The following KIF26B variants were observed in gnomAD, a reference collection of about 807,000 sequenced individuals.
KIF26B encodes kinesin family member 26B.
Under a neutral mutation model 151.2 loss-of-function variants are expected in KIF26B, and 63 were observed. That is an observed-to-expected ratio of 0.42 (90% CI 0.34 to 0.51). The LOEUF (loss-of-function observed/expected upper bound fraction) is 0.51, where lower values mean the gene tolerates loss of function less well. KIF26B is among the 20% of genes least tolerant of loss of function. The probability of loss-of-function intolerance (pLI) is 0.07; values close to 1 mark genes in which losing one functional copy is unlikely to be tolerated. For missense variants in KIF26B, 2,813 were observed against 2,913.6 expected (o/e 0.97, Z 0.79); for synonymous variants, 1,357 against 1,262.1 (o/e 1.08, Z -1.59).
rs112358581 is a variant in KIF26B, at chr1:245,325,741, T to C, written c.466-41093T>C. ...AAAAAGGAAAAAAAAAGAATCCATT[T>C]CATCCAGCCTTCTGATTCTAGGAAT... On this transcript the variant is annotated intron_variant, in intron 2 of 14. Coordinates refer to ENST00000407071, the MANE Select transcript of KIF26B (RefSeq NM_018012.4). Among the ~76,000 whole-genome samples, 238 of 152,242 alleles carry C rather than the reference T, an allele frequency of 1.6e-3. 1 individual carries two copies. Among genetic ancestry groups the C allele is most frequent in the African/African-American group, 5.5e-3 (228 of 41,536 alleles).
intron 4 of KIF26B, among the ~76,000 whole-genome samples, chr1:245,492,749 C>T (rs1297326714): frequency 2.6e-5 from 4 of 152,114 alleles, no homozygotes; most frequent in South Asian, 2.1e-4. Context: ...ACCTTGTTTC[C>T]AGGTCATGTT....
At position 245,687,519 on chromosome 1, in the gene KIF26B, G is replaced by A. The variant is rs373235427; in HGVS notation, c.4536G>A (p.Gly1512=). 9.5e-6 allele frequency: 15 copies of A among 1,574,268 alleles called. No individual in the cohort carries two copies. In the African/African-American group the frequency reaches 1.1e-4, roughly 11 times the overall value. The stretch of plus-strand genomic sequence containing the variant: ...ACAACTTCAGGAGGGTCGTGGATGG[G>A]TGTGAGATGGCCCTGCCCGGTTTGG... ...VTDNFRRVVD[G]CEMALPGLAT... Residue 1512 remains glycine (G), a synonymous_variant, in exon 12 of 15, where the codon GGG becomes GGA. Transcript: ENST00000407071. This position sits in a 1 kb window ranked among gnomAD's most constrained non-coding sequence, Gnocchi z 4.9.
chr1:245,380,608 G>A (rs902089308), intron 3 of KIF26B, among the ~76,000 whole-genome samples: 2 of 152,162 alleles, frequency 1.3e-5, no homozygotes, highest in African/African-American at 2.4e-5. Flanking sequence ...CCTGTCAGGC[G>A]ACCTGTGCCA....
chr1:245,553,965 G>T (rs1286380386), intron 5 of KIF26B, among the ~76,000 whole-genome samples: 1 of 152,156 alleles, frequency 6.6e-6, no homozygotes, highest in Non-Finnish European at 1.5e-5. Context: ...GGAACCCATC[G>T]TGGCTTTCTT....
intron 3 of KIF26B, among the ~76,000 whole-genome samples, chr1:245,396,028 C>G (rs1482011181): frequency 6.6e-6 from 1 of 152,166 alleles, no homozygotes; most frequent in African/African-American, 2.4e-5. Flanking sequence ...CTAGAAAATC[C>G]TGGCTTTATG....
At chr1:245,440,621 C>G (rs1659056372) in intron 4 of KIF26B, among the ~76,000 whole-genome samples, 1 of 152,216 alleles carries the variant, frequency 6.6e-6, no homozygotes, top group Non-Finnish European at 1.5e-5. Context: ...CAGCCTGCCT[C>G]TCTTGCACAG....
rs1671826668 is a variant in KIF26B at position 245,318,703 on chromosome 1, T to C, written c.466-48131T>C. 6.6e-6 allele frequency among the ~76,000 whole-genome samples: 1 copy of C among 152,116 alleles called. No individual in the cohort carries two copies. The highest frequency in any genetic ancestry group is 2.1e-4 in the South Asian group (1 of 4,820). ...GAGTGAAAGGTGGCTCTGAAAACTT[T>C]GCAAACTGTACATAACTCAATTCCC... On this transcript the variant is annotated intron_variant, in intron 2 of 14. Coordinates refer to ENST00000407071, the MANE Select transcript of KIF26B (RefSeq NM_018012.4). This position sits in a 1 kb window ranked among gnomAD's most constrained non-coding sequence, Gnocchi z 4.0.
chr1:245,327,154 A>G (rs905677029), intron 2 of KIF26B, among the ~76,000 whole-genome samples: 2 of 152,140 alleles, frequency 1.3e-5, no homozygotes, highest in South Asian at 2.1e-4. Context: ...CGCCCCTCCT[A>G]TGGCTTTGGA....
At chr1:245,485,196 C>G (rs887537813) in intron 4 of KIF26B, among the ~76,000 whole-genome samples, 2 of 151,906 alleles carry the variant, frequency 1.3e-5, no homozygotes, top group African/African-American at 4.8e-5. Flanking sequence ...TAGTGATTAC[C>G]AGGGGATGTG....
chr1:245,550,347 A>G (rs775843856), intron 5 of KIF26B, among the ~76,000 whole-genome samples: 2 of 152,196 alleles, frequency 1.3e-5, no homozygotes, highest in African/African-American at 4.8e-5. Flanking sequence ...TAGCTTCTTC[A>G]GTTTCCGCTG....
Position 245,687,681 on chromosome 1 carries a change from A to G in KIF26B, c.4698A>G (p.Ala1566=). 1 of 1,580,040 alleles carries G rather than the reference A, an allele frequency of 6.3e-7. No individual in the cohort carries two copies. Among genetic ancestry groups the G allele is most frequent in the East Asian group, 2.3e-5 (1 of 42,956 alleles). The change falls in exon 12 of 15, where the codon GCA becomes GCG. Residue 1566 remains alanine (A), a synonymous_variant. Transcript: ENST00000407071. The surrounding 1 kb of genome is among the most constrained non-coding windows in gnomAD (Gnocchi z 4.9). ...YCAAETNGVG[A]ASGTPPSKAT... ...CTGCTGAGACCAACGGGGTGGGTGC[A>G]GCCTCGGGCACCCCGCCCTCCAAGG...
At chr1:245,561,926 A>G (rs536738186) in intron 5 of KIF26B, among the ~76,000 whole-genome samples, 4 of 152,092 alleles carry the variant, frequency 2.6e-5, no homozygotes, top group Admixed American at 2.0e-4. Flanking sequence ...TCTCCATCCC[A>G]AGGCTCTTTA....
intron 2 of KIF26B, among the ~76,000 whole-genome samples, chr1:245,267,625 C>A (rs1670769693): frequency 1.4e-5 from 2 of 137,944 alleles, no homozygotes; most frequent in South Asian, 2.5e-4. Context: ...CTGGCGACAG[C>A]TAAGTAATGC....
chr1:245,394,466 T>C (rs1488043586), intron 3 of KIF26B, among the ~76,000 whole-genome samples: 1 of 151,808 alleles, frequency 6.6e-6, no homozygotes, highest in East Asian at 2.0e-4. Flanking sequence ...GTACTAAAAA[T>C]ATAAAAATTA....
intron 2 of KIF26B, among the ~76,000 whole-genome samples, chr1:245,191,115 T>C (rs1007661611): frequency 1.5e-4 from 21 of 138,980 alleles, no homozygotes; most frequent in East Asian, 1.1e-3. Context: ...TGCATAAATA[T>C]GAATATTTGT....
At chr1:245,429,687 C>G (rs1174726934) in intron 4 of KIF26B, among the ~76,000 whole-genome samples, 1 of 152,182 alleles carries the variant, frequency 6.6e-6, no homozygotes, top group Non-Finnish European at 1.5e-5. Context: ...AATCTCGGCT[C>G]ACTGCAATCT....
chr1:245,523,479 A>G (rs984663829), intron 4 of KIF26B, among the ~76,000 whole-genome samples: 2 of 152,294 alleles, frequency 1.3e-5, no homozygotes, highest in African/African-American at 4.8e-5. Flanking sequence ...CAAAAATACC[A>G]TAGTCTAAAT....
rs34757798 is a variant in KIF26B, at chr1:245,167,665, T to TA, written c.465+10993dup. On this transcript the variant is annotated intron_variant, in intron 2 of 14. Transcript: ENST00000407071. This position sits in a 1 kb window ranked among gnomAD's most constrained non-coding sequence, Gnocchi z 4.2. ...ACAACTGGAAGCAGCCACCATTGTTTAAAAAAAAAAATCACCTGCCCAGTT... is the reference window on the plus strand; with the variant it reads ...ACAACTGGAAGCAGCCACCATTGTTTAAAAAAAAAAAATCACCTGCCCAGTT... 0.013 allele frequency among the ~76,000 whole-genome samples: 1,933 copies of TA among 148,666 alleles called. 47 individuals are homozygous for TA. The highest frequency in any genetic ancestry group is 0.043 in the African/African-American group (1,755 of 40,686).
At chr1:245,699,165 TGGAG>T in intron 14 of KIF26B, 128 bp downstream of exon 14, 1 of 956,336 alleles carries the variant, frequency 1.0e-6, no homozygotes, top group Non-Finnish European at 1.6e-6. Context: ...GCCCATCAAA[TGGAG>T]GAAGTTGCAC....
Sources: gnomAD v4.1 joint callset for allele counts (sites outside exome capture counted in the v4.1 genomes callset) on GRCh38, gnomAD v4.1.1 for gene constraint, Gnocchi (gnomAD v3.1) non-coding constraint, MANE v1.5 for transcripts, NCBI Gene and HGNC (gene_info 2026-07-23, HGNC 2026-07-21) for gene names.